ROCK2: variants seen among roughly 807,000 people sequenced by gnomAD.
The protein encoded by ROCK2 is Rho associated coiled-coil containing protein kinase 2.
In ROCK2, 61 loss-of-function variants were observed where a neutral mutation model predicts 195.1. That is an observed-to-expected ratio of 0.31 (90% CI 0.25 to 0.39). The LOEUF (loss-of-function observed/expected upper bound fraction) is 0.39. Among genes scored for constraint, ROCK2 ranks in the 10% least tolerant of loss-of-function variants. The pLI is 1.00. For missense variants in ROCK2, 1,109 were observed against 1,637.4 expected (o/e 0.68, Z 5.57); for synonymous variants, 504 against 545.5 (o/e 0.92, Z 1.06).
chr2:11,221,488 C>T (rs530821322), intron 8 of ROCK2, 131 bp from the exon 9 acceptor site: 23 of 568,692 alleles, frequency 4.0e-5, no homozygotes, highest in African/African-American at 2.4e-4. Flanking sequence ...GCCATTTTAT[C>T]GATTCACAGA....
chr2:11,211,632 CAATTCTTAGGA>C (rs1664250517), intron 18 of ROCK2, 38 bp downstream of exon 18: 2 of 1,469,998 alleles, frequency 1.4e-6, no homozygotes, highest in East Asian at 4.8e-5. Context: ...AACACAGAAT[CAATTCTTAGGA>C]AGACGCTGCT....
intron 27 of ROCK2, among the ~76,000 whole-genome samples, chr2:11,195,671 C>T (rs955161310): frequency 1.3e-5 from 2 of 152,166 alleles, no homozygotes; most frequent in South Asian, 2.1e-4. Context: ...CGCGCCAGCA[C>T]GCCCAGCTAT....
chr2:11,340,296 G>A (rs879792190), intron 1 of ROCK2, among the ~76,000 whole-genome samples: 4 of 152,144 alleles, frequency 2.6e-5, no homozygotes, highest in Non-Finnish European at 5.9e-5. Context: ...GGAATGACTA[G>A]ACCACAAGTA....
intron 17 of ROCK2, among the ~76,000 whole-genome samples, chr2:11,212,051 A>G (rs1187578033): frequency 2.0e-5 from 3 of 151,794 alleles, no homozygotes; most frequent in African/African-American, 7.3e-5. Flanking sequence ...GGACTATAGA[A>G]GTTTGTCACC....
chr2:11,291,011 T>C (rs1012458468), intron 1 of ROCK2, among the ~76,000 whole-genome samples: 24 of 152,286 alleles, frequency 1.6e-4, no homozygotes, highest in African/African-American at 5.5e-4. Context: ...AGGTTGTCTA[T>C]ATGCAAAAAG....
chr2:11,224,676 C>A (rs1664752343), intron 6 of ROCK2, among the ~76,000 whole-genome samples: 1 of 151,086 alleles, frequency 6.6e-6, no homozygotes, highest in South Asian at 2.1e-4. Flanking sequence ...TCCCTCATCC[C>A]TTAAAAGCAA....
intron 4 of ROCK2, among the ~76,000 whole-genome samples, chr2:11,246,976 TGAAC>T (rs553153903): frequency 2.6e-3 from 403 of 152,328 alleles, no homozygotes; most frequent in Non-Finnish European, 4.4e-3. Flanking sequence ...AAGTGATGAA[TGAAC>T]GAAGTGTGGT....
rs752344323 is a variant in ROCK2, at chr2:11,276,733, A to G, written c.324+9806T>C. On this transcript the variant is annotated intron_variant, in intron 3 of 32. Transcript: ENST00000315872. ...CTAACAAATAAATTTGTTCAAAATAATAACAGCAACAATATATTCAGTAAC... is the reference window on the plus strand; with the variant it reads ...CTAACAAATAAATTTGTTCAAAATAGTAACAGCAACAATATATTCAGTAAC... 2.2e-4 allele frequency among the ~76,000 whole-genome samples: 33 copies of G among 152,332 alleles called. 1 individual carries two copies. The highest frequency in any genetic ancestry group is 7.0e-4 in the African/African-American group (29 of 41,590).
At chr2:11,324,963 T>C (rs572362378) in intron 1 of ROCK2, among the ~76,000 whole-genome samples, 7 of 152,368 alleles carry the variant, frequency 4.6e-5, no homozygotes, top group African/African-American at 1.7e-4. Context: ...CTTCTCATAA[T>C]AGAAATGCTC....
chr2:11,194,861 A>T (rs1446591816), intron 28 of ROCK2, 94 bp downstream of exon 28: 1 of 543,080 alleles, frequency 1.8e-6, no homozygotes, highest in African/African-American at 1.9e-5. Context: ...GTCTAAAGGT[A>T]CCAGTCATGT....
intron 27 of ROCK2, among the ~76,000 whole-genome samples, chr2:11,196,342 C>T (rs941605010): frequency 1.3e-5 from 2 of 152,132 alleles, no homozygotes; most frequent in African/African-American, 4.8e-5. Flanking sequence ...TTGAATCAGT[C>T]GAAGTACTTT....
At chr2:11,296,004 A>AGGG (rs368823537) in intron 1 of ROCK2, among the ~76,000 whole-genome samples, 15 of 32,824 alleles carry the variant, frequency 4.6e-4, no homozygotes, top group South Asian at 3.3e-3. Context: ...AGAGAGAGAG[A>AGGG]GGAGAGAGAG....
At chr2:11,307,832 A>C (rs1282115252) in intron 1 of ROCK2, among the ~76,000 whole-genome samples, 1 of 152,198 alleles carries the variant, frequency 6.6e-6, no homozygotes, top group Admixed American at 6.5e-5. Context: ...TTTCCTTGTC[A>C]TTAGTCCCTA....
chr2:11,322,403 T>C (rs1159576841), intron 1 of ROCK2, among the ~76,000 whole-genome samples: 2 of 151,390 alleles, frequency 1.3e-5, no homozygotes, highest in East Asian at 3.9e-4. Context: ...TTTATATATA[T>C]ATAAATGCCA....
At chr2:11,309,155 C>G (rs551094788) in intron 1 of ROCK2, among the ~76,000 whole-genome samples, 1 of 148,808 alleles carries the variant, frequency 6.7e-6, no homozygotes, top group Non-Finnish European at 1.5e-5. Flanking sequence ...TTTATTGTAG[C>G]TTTTGAAACA....
Position 11,198,596 on chromosome 2 carries a change from GAA to G in ROCK2, c.3005-13_3005-12del. 1 of 1,609,252 alleles carries G rather than the reference GAA, an allele frequency of 6.2e-7. No homozygotes were observed. Among genetic ancestry groups the G allele is most frequent in the Non-Finnish European group, 8.5e-7 (1 of 1,177,148 alleles). ...TCAATCTTGACAGTTCTGAAACATG[GAA>G]AAAAGTTAAAATTACATTGGTAATT... is the stretch of plus-strand genomic sequence containing the variant. On this transcript the variant is annotated splice_polypyrimidine_tract_variant and intron_variant, in intron 24 of 32. Coordinates refer to ENST00000315872, the MANE Select transcript of ROCK2 (RefSeq NM_004850.5).
intron 3 of ROCK2, among the ~76,000 whole-genome samples, chr2:11,267,692 T>C (rs1009817337): frequency 6.9e-6 from 1 of 144,962 alleles, no homozygotes; most frequent in Non-Finnish European, 1.5e-5. Flanking sequence ...GTATATCCTA[T>C]CAATACGCCT....
At position 11,319,133 on chromosome 2, in the gene ROCK2, C is replaced by A. The variant is rs182921180; in HGVS notation, c.141+24863G>T. Among the ~76,000 whole-genome samples the A allele has an allele frequency of 1.4e-3, 212 of 152,242 alleles. 1 individual carries two copies. The highest frequency in any genetic ancestry group is 4.1e-3 in the African/African-American group (171 of 41,548). On this transcript the variant is annotated intron_variant, in intron 1 of 32. Coordinates refer to ENST00000315872, the MANE Select transcript of ROCK2 (RefSeq NM_004850.5). ...AACTTTAAAGTAGTTTTTTCCAATT[C>A]TGTGAAGAAAGTCAGTGGTAGCTTG...
At position 11,344,566 on chromosome 2, in the gene ROCK2, G is replaced by C. The variant is rs1669226696; in HGVS notation, c.-430C>G. On this transcript the variant is annotated 5_prime_UTR_variant, in exon 1 of 33. Transcript: ENST00000315872. This position sits in a 1 kb window ranked among gnomAD's most constrained non-coding sequence, Gnocchi z 5.4. ...ACGGCCGCCGCCGGCCCGCTGCCAT[G>C]GTCGCCGCCGGCCGCCTTGCAGTCC... 1 of 894,672 alleles carries C rather than the reference G, an allele frequency of 1.1e-6. No individual in the cohort carries two copies. Among genetic ancestry groups the C allele is most frequent in the African/African-American group, 1.8e-5 (1 of 54,984 alleles). The allele number at this position is 894,672 out of a possible 1,614,324, so 55.4% of individuals were successfully genotyped here. A position where few individuals can be genotyped will look rare whatever the true frequency, so the allele number is the denominator to read the frequency against.
Sources: gnomAD v4.1 joint callset for allele counts (sites outside exome capture counted in the v4.1 genomes callset) on GRCh38, gnomAD v4.1.1 for gene constraint, Gnocchi (gnomAD v3.1) non-coding constraint, MANE v1.5 for transcripts, NCBI Gene and HGNC (gene_info 2026-07-23, HGNC 2026-07-21) for gene names.